GRM1: variants seen among roughly 807,000 people sequenced by gnomAD.
GRM1 encodes the protein glutamate metabotropic receptor 1.
Under a neutral mutation model 90.9 loss-of-function variants are expected in GRM1, and 33 were observed. The ratio of observed to expected loss-of-function variants is 0.36; its 90% confidence interval spans 0.28 to 0.49. GRM1 has a LOEUF of 0.49. Ranked by LOEUF, GRM1 falls within the 20% of genes least tolerant of loss-of-function variation. The probability of loss-of-function intolerance (pLI) is 0.99; values close to 1 mark genes in which losing one functional copy is unlikely to be tolerated. For missense variants in GRM1, 1,190 were observed against 1,534.3 expected, an observed-to-expected ratio of 0.78 and a Z score of 3.75; for synonymous variants, 700 against 613.2, an observed-to-expected ratio of 1.14 and a Z score of -2.09.
In GRM1 at chr6:146,319,854, G is replaced by A. The variant is rs544060770; in HGVS notation, c.1186+15008G>A. ...TGCTAAAGTTGCTTATCAGCTTAAG[G>A]AGTTTTTGGGCTGAGTCGATGGGGT... On this transcript the variant is annotated intron_variant, in intron 3 of 7. Transcript: ENST00000282753. 3.9e-5 allele frequency among the ~76,000 whole-genome samples: 6 copies of A among 152,288 alleles called. No homozygotes were observed. In the South Asian group the frequency reaches 1.2e-3, roughly 32 times the overall value.
intron 2 of GRM1, among the ~76,000 whole-genome samples, chr6:146,261,929 T>A: frequency 6.6e-6 from 1 of 151,986 alleles, no homozygotes; most frequent in East Asian, 1.9e-4. Flanking sequence ...ACAGAAGCAA[T>A]GATTTGAAGC....
chr6:146,305,362 G>A (rs1783538769), intron 3 of GRM1, among the ~76,000 whole-genome samples: 1 of 152,114 alleles, frequency 6.6e-6, no homozygotes, highest in Non-Finnish European at 1.5e-5. Flanking sequence ...GGACAGATGA[G>A]CCCCATGCAC....
chr6:146,157,664 G>A (rs576363839), intron 1 of GRM1, among the ~76,000 whole-genome samples: 2 of 152,102 alleles, frequency 1.3e-5, no homozygotes, highest in South Asian at 2.1e-4. Flanking sequence ...ATCCAAGAGA[G>A]GGAACAACTG....
chr6:146,104,243 A>G (rs1224680042), intron 1 of GRM1, among the ~76,000 whole-genome samples: 1 of 152,172 alleles, frequency 6.6e-6, no homozygotes, highest in East Asian at 1.9e-4. Flanking sequence ...GATTGAGACC[A>G]TCCTGGCTAA....
At chr6:146,045,749 C>CAAAAAA (rs58055832) in intron 1 of GRM1, among the ~76,000 whole-genome samples, 104 of 87,402 alleles carry the variant, frequency 1.2e-3, no homozygotes, top group East Asian at 2.3e-3. Context: ...TGGAATACAG[C>CAAAAAA]AAAAAAAAAA....
At chr6:146,244,415 T>A (rs1780981001) in intron 2 of GRM1, among the ~76,000 whole-genome samples, 1 of 152,164 alleles carries the variant, frequency 6.6e-6, no homozygotes, top group South Asian at 2.1e-4. Context: ...GTCCCTCCAT[T>A]TGGGGTCCCT....
intron 2 of GRM1, among the ~76,000 whole-genome samples, chr6:146,299,526 T>C (rs1364029011): frequency 1.3e-5 from 2 of 152,178 alleles, no homozygotes; most frequent in Admixed American, 6.6e-5. Context: ...GGCAAGACCC[T>C]TCTTAATACA....
intron 1 of GRM1, among the ~76,000 whole-genome samples, chr6:146,063,956 C>T (rs1453767393): frequency 3.3e-5 from 5 of 152,214 alleles, no homozygotes; most frequent in African/African-American, 1.2e-4. Context: ...GGAAACTATG[C>T]ATTATTTTGG....
intron 1 of GRM1, among the ~76,000 whole-genome samples, chr6:146,098,766 A>C (rs940265009): frequency 6.6e-6 from 1 of 151,936 alleles, no homozygotes; most frequent in Admixed American, 6.6e-5. Context: ...GTAAGTTCTC[A>C]TGAGATCTGA....
chr6:146,382,345 G>A (rs987906802), intron 5 of GRM1, among the ~76,000 whole-genome samples: 1 of 149,136 alleles, frequency 6.7e-6, no homozygotes, highest in Non-Finnish European at 1.5e-5. Flanking sequence ...AAAACAACTT[G>A]TCTGAATGTA....
chr6:146,029,407 C>A lies in GRM1; in HGVS notation c.-111C>A. On this transcript the variant is annotated 5_prime_UTR_variant, in exon 1 of 8. Transcript: ENST00000282753. Reference sequence around the variant, plus strand: ...TTGGACGACCATTGTTGGCGAGGGGCACCACTCCGGGAGAGGCGGCGCTGG... The same window carrying A: ...TTGGACGACCATTGTTGGCGAGGGGAACCACTCCGGGAGAGGCGGCGCTGG... 1.2e-6 allele frequency: 1 copy of A among 856,960 alleles called. No individual in the cohort carries two copies. The highest frequency in any genetic ancestry group is 2.0e-6 in the Non-Finnish European group (1 of 496,546). 53.1% of individuals were successfully genotyped at this position (856,960 alleles called of 1,614,324 possible). A position where few individuals can be genotyped will look rare whatever the true frequency, so the allele number is the denominator to read the frequency against.
chr6:146,145,565 T>A (rs1777064452), intron 1 of GRM1, among the ~76,000 whole-genome samples: 1 of 152,152 alleles, frequency 6.6e-6, no homozygotes, highest in Admixed American at 6.5e-5. Flanking sequence ...TTTGGTGGCG[T>A]CCACATGGTG....
intron 1 of GRM1, among the ~76,000 whole-genome samples, chr6:146,043,305 T>C (rs576388082): frequency 3.6e-4 from 54 of 151,936 alleles, no homozygotes; most frequent in African/African-American, 1.3e-3. Context: ...CTAAAAAAAA[T>C]TAGGTTTCCA....
At chr6:146,158,108 A>T (rs1408788767) in intron 1 of GRM1, among the ~76,000 whole-genome samples, 1 of 152,224 alleles carries the variant, frequency 6.6e-6, no homozygotes, top group Non-Finnish European at 1.5e-5. Context: ...TTTTAAATAA[A>T]ACCATTCAGC....
chr6:146,433,827 T>G (rs2114696870), intron 7 of GRM1, 45 bp from the exon 8 acceptor site: 1 of 1,307,970 alleles, frequency 7.6e-7, no homozygotes, highest in East Asian at 2.3e-5. Flanking sequence ...TTATCCTGTG[T>G]GCATGATCTA....
At chr6:146,104,695 C>A (rs1777167320) in intron 1 of GRM1, among the ~76,000 whole-genome samples, 1 of 152,156 alleles carries the variant, frequency 6.6e-6, no homozygotes, top group Non-Finnish European at 1.5e-5. Flanking sequence ...TTGAGAACTT[C>A]GAAATAAGAA....
chr6:146,294,823 A>T (rs547448972), intron 2 of GRM1, among the ~76,000 whole-genome samples: 5 of 152,188 alleles, frequency 3.3e-5, no homozygotes, highest in Non-Finnish European at 7.4e-5. Flanking sequence ...AATAAGTTGT[A>T]TCTTACATTA....
chr6:146,061,056 G>T (rs1009992209), intron 1 of GRM1, among the ~76,000 whole-genome samples: 5 of 152,092 alleles, frequency 3.3e-5, no homozygotes, highest in Admixed American at 6.6e-5. Flanking sequence ...GAAAGGAAAG[G>T]CCTGTGGAGA....
At chr6:146,266,185 C>T (rs2114805783) in intron 2 of GRM1, among the ~76,000 whole-genome samples, 1 of 150,590 alleles carries the variant, frequency 6.6e-6, no homozygotes, top group South Asian at 2.1e-4. Context: ...AAGACTCTGT[C>T]TTAAAAAAAA....
Sources: allele counts gnomAD v4.1 joint callset (sites outside exome capture counted in the v4.1 genomes callset), GRCh38; gene constraint gnomAD v4.1.1; transcripts MANE v1.5; gene names NCBI Gene and HGNC (gene_info 2026-07-23, HGNC 2026-07-21).